Variants in TMEM255A observed in about 807,000 individuals in gnomAD.
The protein encoded by TMEM255A is transmembrane protein 255A, also known as family with sequence similarity 70, member A.
TMEM255A carries 14 observed loss-of-function variants against 23.5 expected under a neutral mutation model. The ratio of observed to expected loss-of-function variants is 0.60; its 90% CI spans 0.39 to 0.93. TMEM255A has a LOEUF of 0.93. Among genes scored for constraint, TMEM255A ranks in the 40% least tolerant of loss-of-function variants. TMEM255A has a pLI of 0.00. For missense variants in TMEM255A, 233 were observed against 261.7 expected, an observed-to-expected ratio of 0.89 and a Z score of 0.76; for synonymous variants, 104 against 100.3, an observed-to-expected ratio of 1.04 and a Z score of -0.22.
chrX:120,268,208 G>T (rs782580524), intron 8 of TMEM255A, 36 bp downstream of exon 8: 18 of 1,182,824 alleles, frequency 1.5e-5, no homozygotes, highest in Non-Finnish European at 2.0e-5. Flanking sequence ...GTGAGAACAA[G>T]GGTAATACAG....
intron 8 of TMEM255A, among the ~76,000 whole-genome samples, chrX:120,264,768 G>A (rs372510921): frequency 9.1e-6 from 1 of 110,266 alleles, no homozygotes; most frequent in Admixed American, 9.8e-5. Context: ...TGGCCTTTTG[G>A]GGGTGGGTCT....
At position 120,272,251 on chromosome X, in the gene TMEM255A, G is replaced by A. The variant is rs191869271; in HGVS notation, c.676-3864C>T. Among the ~76,000 whole-genome samples the A allele has an allele frequency of 6.6e-4, 74 of 111,739 alleles. 1 individual carries two copies. The highest frequency in any genetic ancestry group is 2.8e-4 in the Admixed American group (3 of 10,632). Reference sequence around the variant, plus strand: ...TGTTGAGGCAGGGGGTCCCCAGGCCGGAATCCATGGAGGGCTCTGGGCACC... The same window carrying A: ...TGTTGAGGCAGGGGGTCCCCAGGCCAGAATCCATGGAGGGCTCTGGGCACC... On this transcript the variant is annotated intron_variant, in intron 7 of 8. Transcript: ENST00000371369.
At chrX:120,256,561 T>G (rs782807099), downstream of TMEM255A, 155 of 122,904 alleles carry the variant, frequency 1.3e-3, no homozygotes, top group Non-Finnish European at 2.2e-3. Flanking sequence ...TGCAATATTA[T>G]AGTAATCAGA....
chrX:120,293,355 GC>G (rs2057930149), intron 3 of TMEM255A, among the ~76,000 whole-genome samples: 2 of 113,041 alleles, frequency 1.8e-5, no homozygotes, highest in Non-Finnish European at 3.7e-5. Flanking sequence ...GCCCTTGTGG[GC>G]CCCTGTTAAG....
At chrX:120,310,716 A>G (rs1414354723) in intron 1 of TMEM255A, among the ~76,000 whole-genome samples, 1 of 10,497 alleles carries the variant, frequency 9.5e-5, no homozygotes, top group Non-Finnish European at 1.5e-4. Flanking sequence ...CATCCCCCAG[A>G]GTTGCGCAAC....
At chrX:120,264,493 G>C (rs1556017164) in intron 8 of TMEM255A, among the ~76,000 whole-genome samples, 1 of 111,093 alleles carries the variant, frequency 9.0e-6, no homozygotes, top group Non-Finnish European at 1.9e-5. Flanking sequence ...ACCACAAGAA[G>C]TGTTTCCCAA....
chrX:120,260,093 A>G lies in TMEM255A; in HGVS notation c.*777T>C. The G allele has an allele frequency of 1.4e-6, 1 of 736,003 alleles. No homozygotes were observed. Among genetic ancestry groups the G allele is most frequent in the Non-Finnish European group, 1.6e-6 (1 of 622,390 alleles). 60.7% of individuals were successfully genotyped at this position (736,003 alleles called of 1,213,427 possible). A position where few individuals can be genotyped will look rare whatever the true frequency, so the allele number is the denominator to read the frequency against. ...CCATAAGATTTATATCTCCTGTAGC[A>G]AATGTATTTTGTAATAATGCAACAT... On this transcript the variant is annotated 3_prime_UTR_variant, in exon 9 of 9. Transcript: ENST00000371369.
At chrX:120,291,452 C>A (rs1556022975) in intron 3 of TMEM255A, 112 bp from the exon 4 acceptor site, 1 of 595,837 alleles carries the variant, frequency 1.7e-6, no homozygotes, top group Non-Finnish European at 2.7e-6. Context: ...AGCCTACCAC[C>A]CCATGGGAAT....
At chrX:120,293,754 C>A (rs2057933107) in intron 3 of TMEM255A, among the ~76,000 whole-genome samples, 1 of 112,086 alleles carries the variant, frequency 8.9e-6, no homozygotes, top group African/African-American at 3.2e-5. Flanking sequence ...AATATTCTAT[C>A]CCTTTGGCAT....
chrX:120,288,758 C>T (rs1569337498), intron 4 of TMEM255A, among the ~76,000 whole-genome samples: 1 of 112,638 alleles, frequency 8.9e-6, no homozygotes, highest in Non-Finnish European at 1.9e-5. Flanking sequence ...TGAGTGTCTG[C>T]TCTATGCCAG....
chrX:120,260,573 TCTG>T lies in TMEM255A; in HGVS notation c.*294_*296del, dbSNP rs782659091. Reference sequence around the variant, plus strand: ...AAGTGAAAAAGATGGCAACCACACTTCTGCTGAATACAGAGGTGGAGCATAGGG... The same window carrying T: ...AAGTGAAAAAGATGGCAACCACACTTCTGAATACAGAGGTGGAGCATAGGG... On this transcript the variant is annotated 3_prime_UTR_variant, in exon 9 of 9. Coordinates refer to ENST00000371369, the MANE Select transcript of TMEM255A (RefSeq NM_001104544.3). The T allele has an allele frequency of 1.6e-3, 362 of 224,434 alleles. 1 individual carries two copies. In the East Asian group the frequency reaches 0.021, roughly 13 times the overall value. 18.5% of individuals were successfully genotyped at this position (224,434 alleles called of 1,213,427 possible).
downstream of TMEM255A, chrX:120,256,867 C>CTT (rs1303620983): frequency 2.5e-5 from 3 of 121,021 alleles, no homozygotes; most frequent in African/African-American, 6.6e-5. Context: ...TGTAACCTTG[C>CTT]TTAAGTATTT....
chrX:120,306,809 C>G (rs1412429792), intron 1 of TMEM255A, among the ~76,000 whole-genome samples: 1 of 111,975 alleles, frequency 8.9e-6, no homozygotes, highest in African/African-American at 3.3e-5. Flanking sequence ...CTTTTAAAAG[C>G]GCAGGAAGAG....
chrX:120,298,800 A>G (rs2058014782), intron 2 of TMEM255A, among the ~76,000 whole-genome samples: 1 of 110,491 alleles, frequency 9.1e-6, no homozygotes, highest in South Asian at 4.0e-4. Flanking sequence ...GAGTTCAAAG[A>G]TGTAGACACC....
In TMEM255A at chrX:120,311,324, G is replaced by C; in HGVS notation, c.-15C>G. 1 of 1,167,841 alleles carries C rather than the reference G, an allele frequency of 8.6e-7. No homozygotes were observed. Among genetic ancestry groups the C allele is most frequent in the Non-Finnish European group, 1.1e-6 (1 of 871,038 alleles). On this transcript the variant is annotated 5_prime_UTR_variant, in exon 1 of 9. Coordinates refer to ENST00000371369, the MANE Select transcript of TMEM255A (RefSeq NM_001104544.3). ...GACTGATGCATGGTGAAAACTGCCC[G>C]GTTGCCCCAGTCCCCGAAGCTGCTT...
At chrX:120,287,075 G>A (rs2057880393) in intron 5 of TMEM255A, 79 bp downstream of exon 5, 6 of 848,309 alleles carry the variant, frequency 7.1e-6, no homozygotes, top group Non-Finnish European at 1.1e-5. Context: ...CCCATGAAAA[G>A]GAGTAAAAGA....
At chrX:120,257,402 CAGAT>C (rs1186723113), downstream of TMEM255A, 1 of 123,021 alleles carries the variant, frequency 8.1e-6, no homozygotes, top group Non-Finnish European at 1.9e-5. Flanking sequence ...GCAGAGCTTC[CAGAT>C]CTTTCAGACT....
chrX:120,252,958 C>T, the TMEM255A span, among the ~76,000 whole-genome samples: 1 of 111,858 alleles, frequency 8.9e-6, no homozygotes, highest in Non-Finnish European at 1.9e-5. Context: ...CAGTATTGCA[C>T]GCGCTGAGCT....
At chrX:120,285,302 T>C in intron 5 of TMEM255A, 87 bp from the exon 6 acceptor site, 1 of 822,334 alleles carries the variant, frequency 1.2e-6, no homozygotes, top group South Asian at 2.1e-5. Context: ...TAGTGACTGA[T>C]GGAGACAGTA....
Sources: allele counts gnomAD v4.1 joint callset (sites outside exome capture counted in the v4.1 genomes callset), GRCh38; gene constraint gnomAD v4.1.1; transcripts MANE v1.5; gene names NCBI Gene and HGNC (gene_info 2026-07-23, HGNC 2026-07-21).